Variants in CTSA observed in about 807,000 individuals in gnomAD.
The protein encoded by CTSA is cathepsin A.
CTSA carries 42 observed loss-of-function variants against 66.7 expected under a neutral mutation model. The observed-to-expected ratio is 0.63, with a 90% confidence interval of 0.49 to 0.81. CTSA has a LOEUF of 0.81. CTSA is among the 40% of genes least tolerant of loss of function. The probability of loss-of-function intolerance (pLI) is 0.00; values close to 1 mark genes in which losing one functional copy is unlikely to be tolerated. For missense variants in CTSA, 525 were observed against 610.9 expected, an observed-to-expected ratio of 0.86 and a Z score of 1.48; for synonymous variants, 225 against 248.6, an observed-to-expected ratio of 0.91 and a Z score of 0.89.
chr20:45,895,080 C>T lies in CTSA; in HGVS notation c.1035C>T (p.Tyr345=), dbSNP rs200636455. The change falls in exon 11 of 15, where the codon TAC becomes TAT. Residue 345 remains tyrosine (Y), a synonymous_variant. Transcript: ENST00000646241. ...TAASTYLNNP[Y]VRKALNIPEQ... is the part of the protein sequence containing the mutation. ...CTTCCACCTACCTCAACAACCCGTA[C>T]GTGCGGAAGGCCCTCAACATCCCGG... 13 of 1,614,166 alleles carry T rather than the reference C, an allele frequency of 8.1e-6. No individual in the cohort carries two copies. The highest frequency in any genetic ancestry group is 6.7e-5 in the Admixed American group (4 of 60,012).
intron 3 of CTSA, 122 bp from the exon 4 acceptor site, chr20:45,892,151 A>T (rs1285169036): frequency 1.4e-6 from 2 of 1,429,824 alleles, no homozygotes; most frequent in African/African-American, 1.4e-5. Context: ...CCTCTATGCC[A>T]TTGGCTTTGC....
rs773860756 is a variant in CTSA at position 45,891,909 on chromosome 20, C to A, written c.195-7C>A. 1 of 1,613,420 alleles carries A rather than the reference C, an allele frequency of 6.2e-7. No individual in the cohort carries two copies. Among genetic ancestry groups the A allele is most frequent in the Non-Finnish European group, 8.5e-7 (1 of 1,179,480 alleles). Reference sequence around the variant, plus strand: ...CTGCGCCAACCCTGCCCTGACCCCCCTCCCAGGTTTGTGGAGTCCCAGAAG... The same window carrying A: ...CTGCGCCAACCCTGCCCTGACCCCCATCCCAGGTTTGTGGAGTCCCAGAAG... On this transcript the variant is annotated splice_region_variant and splice_polypyrimidine_tract_variant and intron_variant, in intron 2 of 14. Transcript: ENST00000646241. The surrounding 1 kb of genome is among the most constrained non-coding windows in gnomAD (Gnocchi z 4.6).
intron 6 of CTSA, 139 bp downstream of exon 6, chr20:45,893,019 G>A: frequency 9.3e-7 from 1 of 1,079,288 alleles, no homozygotes; most frequent in Non-Finnish European, 1.4e-6. Context: ...CCCTAGGTCT[G>A]TCTGTGTGCC....
rs939381855 is a variant in CTSA at position 45,898,259 on chromosome 20, G to C, written c.1360-108G>C. 7 of 1,320,112 alleles carry C rather than the reference G, an allele frequency of 5.3e-6. No homozygotes were observed. Among genetic ancestry groups the C allele is most frequent in the Non-Finnish European group, 7.5e-6 (7 of 933,528 alleles). 81.8% of individuals were successfully genotyped at this position (1,320,112 alleles called of 1,614,324 possible). A position where few individuals can be genotyped will look rare whatever the true frequency, so the allele number is the denominator to read the frequency against. ...GTTTTTTTGGAGAGGGGTGGGGAGG[G>C]TTCTGGGAAGAATAAAGGGTTTGGG... On this transcript the variant is annotated intron_variant, in intron 14 of 14. Transcript: ENST00000646241. This position sits in a 1 kb window ranked among gnomAD's most constrained non-coding sequence, Gnocchi z 4.6.
chr20:45,896,590 G>A lies in CTSA; in HGVS notation c.1089-375G>A, dbSNP rs200728821. 2.1e-4 allele frequency: 65 copies of A among 304,256 alleles called. No individual in the cohort carries two copies. In the East Asian group the frequency reaches 4.0e-3, roughly 19 times the overall value. The allele number at this position is 304,256 out of a possible 1,614,324, so 18.8% of individuals were successfully genotyped here. A position where few individuals can be genotyped will look rare whatever the true frequency, so the allele number is the denominator to read the frequency against. On this transcript the variant is annotated intron_variant, in intron 11 of 14. Transcript: ENST00000646241. ...TGGGACTACAGGCACGCACCACCAC[G>A]CCTGGCTAATTTTTGTATTTTTTTT...
chr20:45,894,335 CTG>C (rs1987125168), intron 8 of CTSA: 3 of 617,992 alleles, frequency 4.9e-6, no homozygotes, highest in Non-Finnish European at 8.6e-6. Context: ...CTGTGCTGAA[CTG>C]TGTCTATGTA....
At chr20:45,892,556 A>G in intron 5 of CTSA, 72 bp downstream of exon 5, 3 of 1,547,966 alleles carry the variant, frequency 1.9e-6, no homozygotes, top group Non-Finnish European at 1.8e-6. Flanking sequence ...TGGGAGAGAG[A>G]GCATGGCCTT....
At chr20:45,897,305 C>T (rs1475977078) in intron 12 of CTSA, 1 of 549,696 alleles carries the variant, frequency 1.8e-6, no homozygotes, top group Non-Finnish European at 3.3e-6. Flanking sequence ...AAAAATGGGC[C>T]AGCAGAGGTC....
At position 45,898,091 on chromosome 20, in the gene CTSA, C is replaced by G; in HGVS notation, c.1341C>G (p.Ile447Met). 1 of 1,614,014 alleles carries G rather than the reference C, an allele frequency of 6.2e-7. No individual in the cohort carries two copies. Among genetic ancestry groups the G allele is most frequent in the Non-Finnish European group, 8.5e-7 (1 of 1,179,964 alleles). The change falls in exon 14 of 15, where the codon ATC becomes ATG. Residue 447 changes from isoleucine (I) to methionine (M), a missense_variant. Around this residue, in one of 3 missense-constraint regions of CTSA, gnomAD observed 274 missense variants for 321.1 expected, o/e 0.85. Transcript: ENST00000646241. The surrounding 1 kb of genome is among the most constrained non-coding windows in gnomAD (Gnocchi z 4.6). ...GCTTCGTGAAGGAGTTCTCCCACAT[C>G]GCCTTTCTCACGATCAAGGTAGGGA... ...IAGFVKEFSH[I>M]AFLTIKGAGH...
intron 8 of CTSA, 138 bp downstream of exon 8, chr20:45,894,210 G>A (rs1397107706): frequency 1.4e-5 from 10 of 737,728 alleles, no homozygotes; most frequent in South Asian, 1.1e-4. Flanking sequence ...TGTTCTCTGG[G>A]ACATGTGTCT....
Position 45,894,683 on chromosome 20 carries a change from G to C in CTSA, c.811G>C (p.Gly271Arg), listed in dbSNP as rs748817864. Residue 271 changes from glycine to arginine, a missense_variant, in exon 9 of 15, where the codon GGC becomes CGC. This residue lies in a region of CTSA where 274 missense variants were observed against 321.1 expected (regional missense o/e 0.85). Coordinates refer to ENST00000646241, the MANE Select transcript of CTSA (RefSeq NM_000308.4). ...AGTGGCCCGCATCGTGGGCAACTCT[G>C]GCCTCAACATCTACAATCTCTATGC... ...QEVARIVGNS[G>R]LNIYNLYAPC... 3 of 1,614,094 alleles carry C rather than the reference G, an allele frequency of 1.9e-6. No homozygotes were observed. The highest frequency in any genetic ancestry group is 1.6e-4 in the Middle Eastern group (1 of 6,062).
In CTSA at chr20:45,892,053, C is replaced by T. The variant is rs778324076; in HGVS notation, c.306+26C>T. The T allele has an allele frequency of 5.7e-6, 9 of 1,589,998 alleles. No homozygotes were observed. The South Asian group carries it at 9.9e-5, about 18-fold the overall frequency. Reference sequence around the variant, plus strand: ...GTGAGTGGACAGCAGGGGGAAAGCACAGTTCCCAAAGTAAAAGGCTGGGGA... The same window carrying T: ...GTGAGTGGACAGCAGGGGGAAAGCATAGTTCCCAAAGTAAAAGGCTGGGGA... On this transcript the variant is annotated intron_variant, in intron 3 of 14. Transcript: ENST00000646241.
In CTSA at chr20:45,892,395, T is replaced by C. The variant is rs771152372; in HGVS notation, c.358-3T>C. 2 of 1,614,020 alleles carry C rather than the reference T, an allele frequency of 1.2e-6. No homozygotes were observed. Among genetic ancestry groups the C allele is most frequent in the African/African-American group, 2.7e-5 (2 of 74,920 alleles). On this transcript the variant is annotated splice_polypyrimidine_tract_variant and splice_region_variant and intron_variant, in intron 4 of 14. Transcript: ENST00000646241. ...ATTTAGCTAATTTTTCCCTCCCCTC[T>C]AGATTGCCAATGTGTTATACCTGGA...
intron 11 of CTSA, chr20:45,896,728 C>T (rs1425986273): frequency 1.5e-5 from 8 of 541,726 alleles, no homozygotes; most frequent in South Asian, 3.9e-5. Context: ...TGAGCCACCA[C>T]GCCCAGCATC....
intron 8 of CTSA, 170 bp downstream of exon 8, chr20:45,894,242 C>A: frequency 1.5e-6 from 1 of 685,934 alleles, no homozygotes; most frequent in Non-Finnish European, 2.7e-6. Flanking sequence ...CCCACCACCA[C>A]CTCCTATGGT....
At chr20:45,892,926 G>T (rs750157361) in intron 6 of CTSA, 46 bp downstream of exon 6, 22 of 1,607,578 alleles carry the variant, frequency 1.4e-5, no homozygotes, top group Middle Eastern at 1.9e-4. Context: ...TGAGGCTGTG[G>T]CCTTACAGTT....
Position 45,891,501 on chromosome 20 carries a change from A to T in CTSA, c.1-68A>T, listed in dbSNP as rs987312318. On this transcript the variant is annotated intron_variant, in intron 1 of 14. Coordinates refer to ENST00000646241, the MANE Select transcript of CTSA (RefSeq NM_000308.4). The surrounding 1 kb of genome is among the most constrained non-coding windows in gnomAD (Gnocchi z 4.6). ...TTCCCTCGCGGAGGCGCCGCCAGCA[A>T]CTCCCCGGGGGCTGCTGCACGGAAG... is the stretch of plus-strand genomic sequence containing the variant. The T allele has an allele frequency of 1.3e-6, 2 of 1,551,496 alleles. No homozygotes were observed. The highest frequency in any genetic ancestry group is 4.9e-5 in the East Asian group (2 of 41,058).
In CTSA at chr20:45,891,385, C is replaced by A. The variant is rs1164857603; in HGVS notation, c.-1+6C>A. The A allele has an allele frequency of 5.7e-6, 9 of 1,570,138 alleles. No homozygotes were observed. The highest frequency in any genetic ancestry group is 7.8e-6 in the Non-Finnish European group (9 of 1,158,184). On this transcript the variant is annotated splice_donor_region_variant and intron_variant, in intron 1 of 14. Coordinates refer to ENST00000646241, the MANE Select transcript of CTSA (RefSeq NM_000308.4). This position sits in a 1 kb window ranked among gnomAD's most constrained non-coding sequence, Gnocchi z 4.6. ...AAGGACGCGGGGGAGCAGAGGTGAG[C>A]TGGCACCGGAGGCTGGAGGGGATCC...
chr20:45,891,651 C>T lies in CTSA; in HGVS notation c.83C>T (p.Ala28Val). ...LLVSWASRGE[A>V]APDQDEIQRL... is the part of the protein sequence containing the mutation. Reference sequence around the variant, plus strand: ...GTGTCCTGGGCGTCCCGAGGCGAGGCAGCCCCCGACCAGGACGAGATCCAG... The same window carrying T: ...GTGTCCTGGGCGTCCCGAGGCGAGGTAGCCCCCGACCAGGACGAGATCCAG... The change falls in exon 2 of 15, where the codon GCA becomes GTA. Residue 28 changes from alanine to valine, a missense_variant. Physicochemically the swap from Ala to Val is moderately conservative, Grantham distance 64. Coordinates refer to ENST00000646241, the MANE Select transcript of CTSA (RefSeq NM_000308.4). The surrounding 1 kb of genome is among the most constrained non-coding windows in gnomAD (Gnocchi z 4.6). 6.2e-7 allele frequency: 1 copy of T among 1,612,414 alleles called. No homozygotes were observed. Among genetic ancestry groups the T allele is most frequent in the Non-Finnish European group, 8.5e-7 (1 of 1,179,884 alleles).
Sources: gnomAD v4.1 joint callset for allele counts on GRCh38, gnomAD v4.1.1 for gene constraint, gnomAD v4.1.1 regional missense constraint, Gnocchi (gnomAD v3.1) non-coding constraint, MANE v1.5 for transcripts, NCBI Gene and HGNC (gene_info 2026-07-23, HGNC 2026-07-21) for gene names.